Variants in HHAT observed in about 807,000 individuals in gnomAD.
HHAT encodes the protein hedgehog acyltransferase, also known as protein-cysteine N-palmitoyltransferase HHAT.
In HHAT, 47 loss-of-function variants were observed where a neutral mutation model predicts 70.8. The observed-to-expected ratio is 0.66, with a 90% CI of 0.53 to 0.85. The LOEUF is 0.85. Ranked by LOEUF, HHAT falls within the 40% of genes least tolerant of loss-of-function variation. The probability of loss-of-function intolerance (pLI) is 0.00; values close to 1 mark genes in which losing one functional copy is unlikely to be tolerated. For synonymous variants in HHAT, 228 were observed against 247.6 expected (o/e 0.92, Z 0.74); for missense variants, 609 against 604.8 (o/e 1.01, Z -0.07).
chr1:210,623,760 GA>G, intron 11 of HHAT, 90 bp downstream of exon 11: 1 of 1,348,446 alleles, frequency 7.4e-7, no homozygotes, highest in Non-Finnish European at 1.0e-6. Flanking sequence ...GGATTTGGGG[GA>G]AGTCATTCAT....
chr1:210,418,034 C>T, intron 6 of HHAT, 120 bp from the exon 7 acceptor site: 3 of 947,688 alleles, frequency 3.2e-6, no homozygotes, highest in South Asian at 2.9e-5. Context: ...ACAAACCAAA[C>T]CAACCCTCTG....
chr1:210,629,179 T>C (rs1670402742), intron 11 of HHAT, among the ~76,000 whole-genome samples: 1 of 152,250 alleles, frequency 6.6e-6, no homozygotes, highest in Admixed American at 6.5e-5. Flanking sequence ...GGAATCTGAA[T>C]GTCAAGACTT....
intron 9 of HHAT, among the ~76,000 whole-genome samples, chr1:210,553,647 A>C (rs1411892561): frequency 6.6e-6 from 1 of 152,174 alleles, no homozygotes; most frequent in African/African-American, 2.4e-5. Context: ...GGCCAGAGTG[A>C]AACATCTTGG....
At chr1:210,553,221 A>C (rs1368708833) in intron 9 of HHAT, among the ~76,000 whole-genome samples, 1 of 152,174 alleles carries the variant, frequency 6.6e-6, no homozygotes, top group Non-Finnish European at 1.5e-5. Context: ...GCGCACAGCA[A>C]GAACAGCCAA....
intron 8 of HHAT, among the ~76,000 whole-genome samples, chr1:210,484,990 T>C (rs1437774896): frequency 6.6e-6 from 1 of 152,106 alleles, no homozygotes; most frequent in Non-Finnish European, 1.5e-5. Flanking sequence ...CATTGCTGGC[T>C]ATGTGCAGAG....
At chr1:210,432,090 A>G (rs556401839) in intron 7 of HHAT, among the ~76,000 whole-genome samples, 7 of 151,790 alleles carry the variant, frequency 4.6e-5, no homozygotes, top group African/African-American at 1.2e-4. Context: ...GTGAGCATCC[A>G]TGGATTTTGG....
intron 10 of HHAT, among the ~76,000 whole-genome samples, chr1:210,613,605 T>C (rs575694934): frequency 3.0e-4 from 46 of 152,308 alleles, no homozygotes; most frequent in Middle Eastern, 3.4e-3. Flanking sequence ...TTGGGGCCAT[T>C]TGAGATCTCA....
chr1:210,592,045 C>A (rs987493052), intron 10 of HHAT, among the ~76,000 whole-genome samples: 3 of 151,976 alleles, frequency 2.0e-5, no homozygotes, highest in African/African-American at 7.3e-5. Context: ...GATGTGATCC[C>A]ATTTGTCTAT....
At chr1:210,419,334 C>T (rs1157346913) in intron 7 of HHAT, among the ~76,000 whole-genome samples, 2 of 152,204 alleles carry the variant, frequency 1.3e-5, no homozygotes, top group African/African-American at 4.8e-5. Flanking sequence ...GGAAGTCTTA[C>T]TTCCTCAGCA....
At chr1:210,648,006 C>T (rs927790443) in intron 11 of HHAT, among the ~76,000 whole-genome samples, 2 of 152,114 alleles carry the variant, frequency 1.3e-5, no homozygotes, top group Non-Finnish European at 2.9e-5. Context: ...CAAGCCCCAC[C>T]CCTCTGTTTT....
chr1:210,640,472 T>A (rs913700446), intron 11 of HHAT, among the ~76,000 whole-genome samples: 2 of 152,106 alleles, frequency 1.3e-5, no homozygotes, highest in Admixed American at 1.3e-4. Context: ...CTGACTCCAA[T>A]AAGCTGAGTA....
chr1:210,657,740 G>A (rs182839487), intron 11 of HHAT, among the ~76,000 whole-genome samples: 161 of 152,274 alleles, frequency 1.1e-3, no homozygotes, highest in South Asian at 2.5e-3. Flanking sequence ...ATTTGGTGGT[G>A]GTAGAAGAGT....
At chr1:210,539,199 A>G (rs1395441942) in intron 9 of HHAT, among the ~76,000 whole-genome samples, 18 of 152,256 alleles carry the variant, frequency 1.2e-4, no homozygotes, top group Admixed American at 7.2e-4. Context: ...ACTTAGGAAG[A>G]GAAAAAAGGT....
chr1:210,517,057 C>T lies in HHAT; in HGVS notation c.1043+3869C>T, dbSNP rs550200320. 4.5e-4 allele frequency among the ~76,000 whole-genome samples: 68 copies of T among 152,288 alleles called. 1 individual carries two copies. The highest frequency in any genetic ancestry group is 1.6e-3 in the African/African-American group (67 of 41,540). On this transcript the variant is annotated intron_variant, in intron 9 of 11. Transcript: ENST00000261458. ...AGAAATCATAGACAGAAGCAGCAAT[C>T]ACAACTCACCTAGGGATGGCCTCAG...
At chr1:210,646,737 A>G (rs1387010650) in intron 11 of HHAT, among the ~76,000 whole-genome samples, 3 of 152,222 alleles carry the variant, frequency 2.0e-5, no homozygotes, top group Admixed American at 6.5e-5. Flanking sequence ...TCTGTTTACA[A>G]TTTTACTACA....
chr1:210,383,137 C>T (rs557359828), intron 3 of HHAT, among the ~76,000 whole-genome samples: 5 of 152,084 alleles, frequency 3.3e-5, no homozygotes, highest in South Asian at 2.1e-4. Flanking sequence ...GTCAGGAGTT[C>T]GAGACCAGCC....
intron 9 of HHAT, among the ~76,000 whole-genome samples, chr1:210,544,467 G>C (rs1299194110): frequency 6.7e-6 from 1 of 149,286 alleles, no homozygotes; most frequent in Non-Finnish European, 1.5e-5. Flanking sequence ...CTGCCTCCCG[G>C]GTTCAAGGAA....
At chr1:210,422,638 T>C (rs1400968542) in intron 7 of HHAT, among the ~76,000 whole-genome samples, 2 of 152,074 alleles carry the variant, frequency 1.3e-5, no homozygotes, top group Non-Finnish European at 2.9e-5. Flanking sequence ...CCACATTTTC[T>C]TTTTTTTCTT....
In HHAT at chr1:210,348,930, CAG is replaced by C. The variant is rs1310382730; in HGVS notation, c.-43-1_-43del. 6.2e-7 allele frequency: 1 copy of C among 1,602,944 alleles called. No individual in the cohort carries two copies. On this transcript the variant is annotated splice_acceptor_variant, in intron 1 of 11. Transcript: ENST00000261458. LOFTEE classifies it low-confidence loss of function (5UTR_SPLICE). ...GGCTTAAAGTTTTGTCTCTGTTTCT[CAG>C]AAACTCTCAGCGTAGGCATCGGGAA...
Sources: gnomAD v4.1 joint callset for allele counts (sites outside exome capture counted in the v4.1 genomes callset) on GRCh38, gnomAD v4.1.1 for gene constraint, MANE v1.5 for transcripts, NCBI Gene and HGNC (gene_info 2026-07-23, HGNC 2026-07-21) for gene names.